The following GULP1 variants were observed in gnomAD, a reference collection of about 807,000 sequenced individuals.
GULP1 encodes the protein GULP PTB domain containing engulfment adaptor 1.
In GULP1, 19 loss-of-function variants were observed where a neutral mutation model predicts 40.9. The observed-to-expected ratio is 0.46, with a 90% CI of 0.32 to 0.68. The LOEUF is 0.68. GULP1 is among the 30% of genes least tolerant of loss of function. The pLI is 0.03. For missense variants in GULP1, 312 were observed against 362.2 expected (o/e 0.86, Z 1.12); for synonymous variants, 119 against 117.6 (o/e 1.01, Z -0.08).
intron 1 of GULP1, among the ~76,000 whole-genome samples, chr2:188,353,280 A>G (rs2044760344): frequency 6.6e-6 from 1 of 152,192 alleles, no homozygotes; most frequent in East Asian, 1.9e-4. Flanking sequence ...GCACTGTTCT[A>G]AATTCTTTAT....
intron 2 of GULP1, among the ~76,000 whole-genome samples, chr2:188,390,220 C>T (rs1027901985): frequency 6.6e-6 from 1 of 152,086 alleles, no homozygotes; most frequent in Non-Finnish European, 1.5e-5. Flanking sequence ...AGATATTGTA[C>T]TGATTTACAT....
chr2:188,404,217 G>T (rs943122013), intron 2 of GULP1, among the ~76,000 whole-genome samples: 2 of 152,146 alleles, frequency 1.3e-5, no homozygotes, highest in Admixed American at 1.3e-4. Context: ...TAATTATAAA[G>T]ACTGGTTGTC....
chr2:188,571,360 T>C (rs951928215), intron 9 of GULP1, among the ~76,000 whole-genome samples: 1 of 152,158 alleles, frequency 6.6e-6, no homozygotes. Flanking sequence ...ATTTAGGGTT[T>C]CAAACTTGGC....
At chr2:188,390,416 T>C (rs2050359457) in intron 2 of GULP1, among the ~76,000 whole-genome samples, 1 of 152,186 alleles carries the variant, frequency 6.6e-6, no homozygotes, top group Non-Finnish European at 1.5e-5. Flanking sequence ...TATCTGCTTT[T>C]GAGAAATATC....
intron 2 of GULP1, among the ~76,000 whole-genome samples, chr2:188,395,411 C>T (rs1478830772): frequency 6.6e-6 from 1 of 152,154 alleles, no homozygotes; most frequent in African/African-American, 2.4e-5. Context: ...CTTTGGTGTA[C>T]TCATACTGAC....
At chr2:188,564,984 T>G (rs917416103) in intron 7 of GULP1, among the ~76,000 whole-genome samples, 1 of 151,958 alleles carries the variant, frequency 6.6e-6, no homozygotes, top group Non-Finnish European at 1.5e-5. Context: ...TTGAAATAAC[T>G]AGCTAAATAT....
At chr2:188,385,359 A>T (rs1222061593) in intron 2 of GULP1, among the ~76,000 whole-genome samples, 2 of 152,174 alleles carry the variant, frequency 1.3e-5, no homozygotes, top group Non-Finnish European at 2.9e-5. Flanking sequence ...TGGCTGGAGC[A>T]GCTGGGATGC....
chr2:188,429,835 C>T (rs188915675), intron 2 of GULP1, among the ~76,000 whole-genome samples: 9 of 152,114 alleles, frequency 5.9e-5, no homozygotes, highest in Non-Finnish European at 1.0e-4. Flanking sequence ...CTCAGCCTCC[C>T]GAGTAGCTGG....
chr2:188,527,633 A>G (rs1686515372), intron 5 of GULP1, among the ~76,000 whole-genome samples: 1 of 152,202 alleles, frequency 6.6e-6, no homozygotes, highest in African/African-American at 2.4e-5. Context: ...ACTGCTGGAT[A>G]CAAAAAATAG....
chr2:188,543,932 C>T (rs1691214238), intron 7 of GULP1, among the ~76,000 whole-genome samples: 1 of 152,088 alleles, frequency 6.6e-6, no homozygotes, highest in South Asian at 2.1e-4. Flanking sequence ...GACTGGAATT[C>T]ACTACTTTAT....
chr2:188,418,505 C>T (rs553191829), intron 2 of GULP1, among the ~76,000 whole-genome samples: 17 of 152,032 alleles, frequency 1.1e-4, no homozygotes, highest in East Asian at 7.8e-4. Flanking sequence ...TGGTGGTGGG[C>T]GCCTGTTATC....
Position 188,337,086 on chromosome 2 carries a change from G to GTATCTATATCTATATCTA in GULP1, c.-172+44958_-172+44975dup, listed in dbSNP as rs71020747. Among the ~76,000 whole-genome samples the GTATCTATATCTATATCTA allele has an allele frequency of 9.2e-4, 134 of 145,564 alleles. 1 individual carries two copies. Among genetic ancestry groups the GTATCTATATCTATATCTA allele is most frequent in the Middle Eastern group, 6.9e-3 (2 of 288 alleles). ...ACTTGCTTCTCCTATAAATATATCTGTATCTATATCTATATCTATATCTAT... is the reference window on the plus strand; with the variant it reads ...ACTTGCTTCTCCTATAAATATATCTGTATCTATATCTATATCTATATCTATATCTATATCTATATCTAT... On this transcript the variant is annotated intron_variant, in intron 1 of 11. Transcript: ENST00000409830.
chr2:188,477,520 G>C (rs1559286729), intron 2 of GULP1, 139 bp from the exon 3 acceptor site: 4 of 498,954 alleles, frequency 8.0e-6, no homozygotes, highest in Non-Finnish European at 1.4e-5. Context: ...CTTACCCAAT[G>C]TCCTTTGAGG....
At chr2:188,339,498 G>T (rs1276334037) in intron 1 of GULP1, among the ~76,000 whole-genome samples, 1 of 152,036 alleles carries the variant, frequency 6.6e-6, no homozygotes. Flanking sequence ...TTAAGACATG[G>T]TATACATTTT....
intron 2 of GULP1, among the ~76,000 whole-genome samples, chr2:188,442,900 T>G (rs2058057603): frequency 6.6e-6 from 1 of 152,170 alleles, no homozygotes; most frequent in African/African-American, 2.4e-5. Context: ...TTTCCCTGTC[T>G]GAAAAACAGC....
chr2:188,417,510 T>C (rs903665047), intron 2 of GULP1, among the ~76,000 whole-genome samples: 2 of 152,216 alleles, frequency 1.3e-5, no homozygotes, highest in African/African-American at 4.8e-5. Flanking sequence ...GAAAAAAATA[T>C]ATCACTATAG....
intron 2 of GULP1, among the ~76,000 whole-genome samples, chr2:188,386,352 AG>A (rs1207554490): frequency 8.5e-5 from 13 of 152,162 alleles, no homozygotes; most frequent in Admixed American, 5.2e-4. Flanking sequence ...ACCTTCCACA[AG>A]GTTTCTCCCA....
At chr2:188,487,834 T>C (rs1378596406) in intron 4 of GULP1, among the ~76,000 whole-genome samples, 2 of 151,972 alleles carry the variant, frequency 1.3e-5, no homozygotes, top group Non-Finnish European at 2.9e-5. Flanking sequence ...ACTTCGTTTG[T>C]TTAATCAGAG....
chr2:188,342,960 A>G (rs959703256), intron 1 of GULP1, among the ~76,000 whole-genome samples: 10 of 152,318 alleles, frequency 6.6e-5, no homozygotes, highest in African/African-American at 2.2e-4. Context: ...AGACTGCTTC[A>G]TGATATAAAA....
Sources: allele counts gnomAD v4.1 joint callset (sites outside exome capture counted in the v4.1 genomes callset), GRCh38; gene constraint gnomAD v4.1.1; transcripts MANE v1.5; gene names NCBI Gene and HGNC (gene_info 2026-07-23, HGNC 2026-07-21).